The following LMO1 variants were observed in gnomAD, a reference collection of about 807,000 sequenced individuals.
LMO1 encodes the protein rhombotin-1.
LMO1 carries 10 observed loss-of-function variants against 18.0 expected under a neutral mutation model. The ratio of observed to expected loss-of-function variants is 0.55; its 90% CI spans 0.34 to 0.94. The LOEUF is 0.94. LMO1 is among the 40% of genes least tolerant of loss of function. The probability of loss-of-function intolerance (pLI) is 0.02; values close to 1 mark genes in which losing one functional copy is unlikely to be tolerated. For missense variants in LMO1, 183 were observed against 205.7 expected (o/e 0.89, Z 0.68); for synonymous variants, 77 against 77.9 (o/e 0.99, Z 0.06).
At chr11:8,254,109 A>T (rs1245441633) in intron 1 of LMO1, among the ~76,000 whole-genome samples, 1 of 152,132 alleles carries the variant, frequency 6.6e-6, no homozygotes, top group Non-Finnish European at 1.5e-5. Flanking sequence ...CTGTGAGAGG[A>T]AAAAAAAGTG....
At chr11:8,263,930 A>G, upstream of LMO1, 4 of 976,630 alleles carry the variant, frequency 4.1e-6, no homozygotes, top group Non-Finnish European at 4.9e-6. Flanking sequence ...TGAGGCCTCC[A>G]CCCTCCCGGG....
chr11:8,266,719 G>A (rs1278801909), upstream of LMO1, among the ~76,000 whole-genome samples: 1 of 152,198 alleles, frequency 6.6e-6, no homozygotes, highest in East Asian at 1.9e-4. Context: ...GGGGGTGGGA[G>A]ATAGTGGGAC....
intron 1 of LMO1, among the ~76,000 whole-genome samples, chr11:8,246,752 C>A (rs1217331148): frequency 2.0e-5 from 3 of 151,888 alleles, no homozygotes; most frequent in Non-Finnish European, 4.4e-5. Context: ...CCTTTGAGAA[C>A]AGGAGAAACC....
Position 8,230,517 on chromosome 11 carries a change from A to G in LMO1, c.26-13T>C, listed in dbSNP as rs201082658. 489 of 1,608,600 alleles carry G rather than the reference A, an allele frequency of 3.0e-4. 6 individuals carry two copies. In the East Asian group the frequency reaches 0.011, roughly 35 times the overall value. ...AGCATCGGCACGCCTGCAGACGGAC[A>G]GACAGACAGCAACGCAGGATGGGCC... On this transcript the variant is annotated splice_polypyrimidine_tract_variant and intron_variant, in intron 1 of 3. Coordinates refer to ENST00000335790, the MANE Select transcript of LMO1 (RefSeq NM_002315.3).
At chr11:8,254,400 A>C (rs1005808223) in intron 1 of LMO1, among the ~76,000 whole-genome samples, 1 of 152,222 alleles carries the variant, frequency 6.6e-6, no homozygotes, top group African/African-American at 2.4e-5. Flanking sequence ...TGGTTTATGA[A>C]TGTACACAGG....
intron 1 of LMO1, among the ~76,000 whole-genome samples, chr11:8,246,759 A>T (rs968359812): frequency 1.3e-5 from 2 of 151,994 alleles, no homozygotes; most frequent in African/African-American, 2.4e-5. Flanking sequence ...GAACAGGAGA[A>T]ACCAGTTCAT....
intron 1 of LMO1, among the ~76,000 whole-genome samples, chr11:8,259,980 G>A (rs1299158325): frequency 2.0e-5 from 3 of 152,116 alleles, no homozygotes; most frequent in African/African-American, 7.2e-5. Flanking sequence ...GCTGCTTCCT[G>A]TGGTCACCCC....
rs200889182 is a variant in LMO1 at position 8,253,829 on chromosome 11, A to G, written c.25+9509T>C. ...TTTTCCCCGCCGAGACTCAGAGAAG[A>G]GGGGCAGCCACTCCCGCCACACAAT... On this transcript the variant is annotated intron_variant, in intron 1 of 3. Coordinates refer to ENST00000335790, the MANE Select transcript of LMO1 (RefSeq NM_002315.3). Among the ~76,000 whole-genome samples the G allele has an allele frequency of 2.5e-3, 375 of 151,900 alleles. 7 individuals carry two copies. In the East Asian group the frequency reaches 0.027, roughly 11 times the overall value.
chr11:8,242,096 G>T (rs542564281), intron 1 of LMO1, among the ~76,000 whole-genome samples: 1 of 152,304 alleles, frequency 6.6e-6, no homozygotes, highest in African/African-American at 2.4e-5. Context: ...GGTACCTGTA[G>T]CTATGTGGCC....
At chr11:8,265,844 G>A (rs114517376), upstream of LMO1, among the ~76,000 whole-genome samples, 1,826 of 152,332 alleles carry the variant, frequency 0.012, 35 homozygotes, top group African/African-American at 0.042. Context: ...GGGGCTGCAT[G>A]CAGCCTTACT....
chr11:8,248,441 C>T (rs1846932055), intron 1 of LMO1, among the ~76,000 whole-genome samples: 1 of 152,194 alleles, frequency 6.6e-6, no homozygotes, highest in Non-Finnish European at 1.5e-5. Flanking sequence ...TGCCCATGCA[C>T]CACATAGACA....
rs369612578 is a variant in LMO1, at chr11:8,240,913, G to A, written c.26-10409C>T. 2.6e-4 allele frequency among the ~76,000 whole-genome samples: 40 copies of A among 152,294 alleles called. No homozygotes were observed. The East Asian group carries it at 5.8e-3, about 22-fold the overall frequency. ...CTCTCACAGCCTCACATAATTTTCT[G>A]TGGTTCTTTAGTGGGGGGAATTTAG... On this transcript the variant is annotated intron_variant, in intron 1 of 3. Transcript: ENST00000335790.
At position 8,230,513 on chromosome 11, in the gene LMO1, GGACA is replaced by G. The variant is rs769395956; in HGVS notation, c.26-13_26-10del. On this transcript the variant is annotated splice_polypyrimidine_tract_variant and intron_variant, in intron 1 of 3. Transcript: ENST00000335790. ...GGAGAGCATCGGCACGCCTGCAGAC[GGACA>G]GACAGACAGCAACGCAGGATGGGCC... is the stretch of plus-strand genomic sequence containing the variant. The G allele has an allele frequency of 1.2e-5, 20 of 1,609,220 alleles. No individual in the cohort carries two copies. The African/African-American group carries it at 1.7e-4, about 14-fold the overall frequency.
intron 1 of LMO1, among the ~76,000 whole-genome samples, chr11:8,245,776 T>G (rs73415235): frequency 0.016 from 2,389 of 152,304 alleles, 51 homozygotes; most frequent in African/African-American, 0.053. Flanking sequence ...ATCTTTCTTG[T>G]GTTGCTATAA....
chr11:8,263,843 G>A lies in LMO1; in HGVS notation c.-481C>T, dbSNP rs1847231361. 9.5e-6 allele frequency: 10 copies of A among 1,051,670 alleles called. No homozygotes were observed. In the South Asian group the frequency reaches 3.2e-4, roughly 34 times the overall value. 65.1% of individuals were successfully genotyped at this position (1,051,670 alleles called of 1,614,324 possible). A position where few individuals can be genotyped will look rare whatever the true frequency, so the allele number is the denominator to read the frequency against. On this transcript the variant is annotated 5_prime_UTR_variant, in exon 1 of 4. It adds an upstream start codon to the 5' untranslated region. Transcript: ENST00000335790. ...ATATTCAAAGAGATGGGGGAATCTCGTGGCCGTCTCCCGCTGCCTTTCTCC... is the reference window on the plus strand; with the variant it reads ...ATATTCAAAGAGATGGGGGAATCTCATGGCCGTCTCCCGCTGCCTTTCTCC...
intron 1 of LMO1, among the ~76,000 whole-genome samples, chr11:8,254,088 G>A (rs868665780): frequency 2.4e-4 from 37 of 152,096 alleles, no homozygotes; most frequent in African/African-American, 8.4e-4. Flanking sequence ...GCGTATGAGA[G>A]GAAAATTATA....
intron 1 of LMO1, among the ~76,000 whole-genome samples, chr11:8,238,576 C>T (rs1375333569): frequency 1.4e-5 from 2 of 146,774 alleles, no homozygotes; most frequent in Non-Finnish European, 3.0e-5. Flanking sequence ...GAGGCTGAGG[C>T]AGGAGAATGG....
chr11:8,228,358 G>A (rs777237216), intron 2 of LMO1, among the ~76,000 whole-genome samples: 1 of 152,240 alleles, frequency 6.6e-6, no homozygotes, highest in Non-Finnish European at 1.5e-5. Flanking sequence ...AGGGTGGGGG[G>A]CCCCTTTAAT....
At chr11:8,245,356 G>T (rs1397966909) in intron 1 of LMO1, among the ~76,000 whole-genome samples, 2 of 152,114 alleles carry the variant, frequency 1.3e-5, no homozygotes, top group Non-Finnish European at 2.9e-5. Context: ...GTGAACTCCG[G>T]CAAGTCATTT....
Sources: gnomAD v4.1 joint callset for allele counts (sites outside exome capture counted in the v4.1 genomes callset) on GRCh38, gnomAD v4.1.1 for gene constraint, MANE v1.5 for transcripts, NCBI Gene and HGNC (gene_info 2026-07-23, HGNC 2026-07-21) for gene names.